The following RBM44 variants were observed in gnomAD, a reference collection of about 807,000 sequenced individuals.
RBM44 encodes the protein RNA-binding protein 44.
Under a neutral mutation model 105.1 loss-of-function variants are expected in RBM44, and 66 were observed. The observed-to-expected ratio is 0.63, with a 90% CI of 0.52 to 0.77. RBM44 has a LOEUF of 0.77. Ranked by LOEUF, RBM44 falls within the 30% of genes least tolerant of loss-of-function variation. The pLI is 0.00. For missense variants in RBM44, 1,122 were observed against 1,207.8 expected, an observed-to-expected ratio of 0.93 and a Z score of 1.05; for synonymous variants, 365 against 417.6, an observed-to-expected ratio of 0.87 and a Z score of 1.54.
rs367753866 is a variant in RBM44, at chr2:237,818,098, T to C, written c.1179T>C (p.Cys393=). Residue 393 remains cysteine (C), a synonymous_variant, in exon 3 of 16, where the codon TGT becomes TGC. Transcript: ENST00000316997. This position sits in a 1 kb window ranked among gnomAD's most constrained non-coding sequence, Gnocchi z 4.6. ...SVFDDSIISA[C]GYYESLQNTA... ...TTGATGATTCGATAATTTCTGCCTG[T>C]GGATATTATGAAAGCCTACAAAACA... The C allele has an allele frequency of 4.7e-5, 76 of 1,612,760 alleles. No individual in the cohort carries two copies. In the African/African-American group the frequency reaches 9.5e-4, roughly 20 times the overall value.
At chr2:237,837,502 G>A (rs1474242535) in intron 15 of RBM44, among the ~76,000 whole-genome samples, 1 of 152,104 alleles carries the variant, frequency 6.6e-6, no homozygotes, top group Admixed American at 6.5e-5. Context: ...TGACTTTAAG[G>A]GGTTCAAGAC....
At chr2:237,799,225 C>T (rs2061519574) in intron 1 of RBM44, 1 of 152,290 alleles carries the variant, frequency 6.6e-6, no homozygotes, top group Non-Finnish European at 1.5e-5. Context: ...GATGGAGCCT[C>T]TGCTGCGGGG....
Position 237,818,565 on chromosome 2 carries a change from G to A in RBM44, c.1646G>A (p.Ser549Asn). ...TCAGGAAAATCTCTCTCCGTTGACA[G>A]TTTAAAACCTAATGGAAATTTTCTA... is the stretch of plus-strand genomic sequence containing the variant. The part of the protein sequence containing the change: ...KGSGKSLSVD[S>N]LKPNGNFLNK... The change falls in exon 3 of 16, where the codon AGT becomes AAT. Residue 549 changes from serine to asparagine, a missense_variant. Coordinates refer to ENST00000316997, the MANE Select transcript of RBM44 (RefSeq NM_001080504.3). This position sits in a 1 kb window ranked among gnomAD's most constrained non-coding sequence, Gnocchi z 4.6. 1 of 1,558,420 alleles carries A rather than the reference G, an allele frequency of 6.4e-7. No homozygotes were observed. The highest frequency in any genetic ancestry group is 8.6e-7 in the Non-Finnish European group (1 of 1,157,566).
At chr2:237,806,646 A>C (rs141470255) in intron 1 of RBM44, among the ~76,000 whole-genome samples, 15 of 152,312 alleles carry the variant, frequency 9.8e-5, no homozygotes, top group African/African-American at 1.7e-4. Context: ...CTAAGGCGTT[A>C]GAAATTGCAG....
At chr2:237,831,801 A>G (rs940213040) in intron 13 of RBM44, among the ~76,000 whole-genome samples, 1 of 151,922 alleles carries the variant, frequency 6.6e-6, no homozygotes, top group Non-Finnish European at 1.5e-5. Flanking sequence ...CTTTCTTGAA[A>G]CTTTTCCTTT....
In RBM44 at chr2:237,798,807, G is replaced by C. The variant is rs1390186428; in HGVS notation, c.-73G>C. ...ACTGACTCGGAGGCGGCTGCGGAGA[G>C]CGGGGCGCTGGCCCGTGGAGGCGGC... is the stretch of plus-strand genomic sequence containing the variant. On this transcript the variant is annotated 5_prime_UTR_variant, in exon 1 of 16. Coordinates refer to ENST00000316997, the MANE Select transcript of RBM44 (RefSeq NM_001080504.3). The surrounding 1 kb of genome is among the most constrained non-coding windows in gnomAD (Gnocchi z 4.3). 1 of 152,664 alleles carries C rather than the reference G, an allele frequency of 6.6e-6. No homozygotes were observed. The highest frequency in any genetic ancestry group is 1.5e-5 in the Non-Finnish European group (1 of 68,286). 9.5% of individuals were successfully genotyped at this position (152,664 alleles called of 1,614,324 possible). A position where few individuals can be genotyped will look rare whatever the true frequency, so the allele number is the denominator to read the frequency against.
chr2:237,833,987 G>T lies in RBM44; in HGVS notation c.2887-10G>T. Reference sequence around the variant, plus strand: ...CTGATTTTAAGAAAACTTTTTAAATGCTTATTTAGGGTGTCAAGAAGAATT... The same window carrying T: ...CTGATTTTAAGAAAACTTTTTAAATTCTTATTTAGGGTGTCAAGAAGAATT... On this transcript the variant is annotated splice_polypyrimidine_tract_variant and intron_variant, in intron 13 of 15. Coordinates refer to ENST00000316997, the MANE Select transcript of RBM44 (RefSeq NM_001080504.3). 1.4e-6 allele frequency: 2 copies of T among 1,481,436 alleles called. No individual in the cohort carries two copies. The highest frequency in any genetic ancestry group is 1.8e-6 in the Non-Finnish European group (2 of 1,107,764). The allele number at this position is 1,481,436 out of a possible 1,614,324, so 91.8% of individuals were successfully genotyped here.
In RBM44 at chr2:237,841,185, G is replaced by A. The variant is rs2062008369; in HGVS notation, c.*23-654G>A. ...AAATCAACCTAAATGCCCATCCGTGGTAGACTGGATAAAGATAAGTGTATA... is the reference window on the plus strand; with the variant it reads ...AAATCAACCTAAATGCCCATCCGTGATAGACTGGATAAAGATAAGTGTATA... On this transcript the variant is annotated intron_variant, in intron 15 of 15. Transcript: ENST00000316997. The surrounding 1 kb of genome is among the most constrained non-coding windows in gnomAD (Gnocchi z 4.5). Among the ~76,000 whole-genome samples the A allele has an allele frequency of 1.3e-5, 2 of 152,128 alleles. No homozygotes were observed. The highest frequency in any genetic ancestry group is 4.8e-5 in the African/African-American group (2 of 41,402).
Position 237,816,980 on chromosome 2 carries a change from T to C in RBM44, c.74-13T>C, listed in dbSNP as rs199710730. 1 of 1,425,632 alleles carries C rather than the reference T, an allele frequency of 7.0e-7. No individual in the cohort carries two copies. Among genetic ancestry groups the C allele is most frequent in the Non-Finnish European group, 9.4e-7 (1 of 1,061,770 alleles). 88.3% of individuals were successfully genotyped at this position (1,425,632 alleles called of 1,614,324 possible). ...AATGTTGCTGTTAATGTTTTTATCC[T>C]TTTTTTAATCAGATAAACCTTCAAA... is the stretch of plus-strand genomic sequence containing the variant. On this transcript the variant is annotated splice_polypyrimidine_tract_variant and intron_variant, in intron 2 of 15. Coordinates refer to ENST00000316997, the MANE Select transcript of RBM44 (RefSeq NM_001080504.3).
intron 9 of RBM44, 42 bp downstream of exon 9, chr2:237,823,596 CA>C (rs1420004697): frequency 5.6e-6 from 5 of 891,762 alleles, no homozygotes; most frequent in Non-Finnish European, 8.9e-6. Context: ...TGCTGGAAAA[CA>C]AAATAAGGTT....
chr2:237,828,371 ATT>A lies in RBM44; in HGVS notation c.2601-845_2601-844del, dbSNP rs1377294815. On this transcript the variant is annotated intron_variant, in intron 12 of 15. Transcript: ENST00000316997. ...ATTGTAAGATAATTGTTCAGCTGTAATTATTTAACCTGTTGATATGATGTTAA... is the reference window on the plus strand; with the variant it reads ...ATTGTAAGATAATTGTTCAGCTGTAAATTTAACCTGTTGATATGATGTTAA... Among the ~76,000 whole-genome samples, 9 of 152,264 alleles carry A rather than the reference ATT, an allele frequency of 5.9e-5. No individual in the cohort carries two copies. The East Asian group carries it at 1.7e-3, about 29-fold the overall frequency.
chr2:237,835,762 C>A (rs2061952578), intron 15 of RBM44, among the ~76,000 whole-genome samples: 1 of 120,288 alleles, frequency 8.3e-6, no homozygotes, highest in African/African-American at 2.9e-5. Context: ...AAGAAATAAG[C>A]CATCTTTTTT....
intron 13 of RBM44, among the ~76,000 whole-genome samples, chr2:237,831,868 A>G (rs2061906760): frequency 6.6e-6 from 1 of 152,134 alleles, no homozygotes; most frequent in African/African-American, 2.4e-5. Context: ...GCCTCGATCT[A>G]CAGCAGGAAG....
In RBM44 at chr2:237,821,843, A is replaced by C. The variant is rs368164008; in HGVS notation, c.2205+16A>C. The C allele has an allele frequency of 6.5e-7, 1 of 1,531,374 alleles. No homozygotes were observed. Among genetic ancestry groups the C allele is most frequent in the African/African-American group, 1.4e-5 (1 of 73,214 alleles). The allele number at this position is 1,531,374 out of a possible 1,614,324, so 94.9% of individuals were successfully genotyped here. ...ACTCTCTCAAGTAAGGGTCCTTGAA[A>C]GTTCATCAATGCAAATCTTTAAGTG... On this transcript the variant is annotated intron_variant, in intron 8 of 15. Transcript: ENST00000316997.
intron 13 of RBM44, 76 bp downstream of exon 13, chr2:237,829,578 C>T: frequency 8.0e-6 from 10 of 1,254,404 alleles, no homozygotes. Context: ...GAATAAATAA[C>T]TTCAATATGC....
rs751023050 is a variant in RBM44 at position 237,803,438 on chromosome 2, C to A, written c.-19+4577C>A. On this transcript the variant is annotated intron_variant, in intron 1 of 15. Coordinates refer to ENST00000316997, the MANE Select transcript of RBM44 (RefSeq NM_001080504.3). This position sits in a 1 kb window ranked among gnomAD's most constrained non-coding sequence, Gnocchi z 4.2. Reference sequence around the variant, plus strand: ...CGTGGTTGTTTAAATTTGCATTTCCCTGATGACTAATGATGTTGAGCATGT... The same window carrying A: ...CGTGGTTGTTTAAATTTGCATTTCCATGATGACTAATGATGTTGAGCATGT... Among the ~76,000 whole-genome samples the A allele has an allele frequency of 1.3e-5, 2 of 152,106 alleles. No individual in the cohort carries two copies. Among genetic ancestry groups the A allele is most frequent in the Non-Finnish European group, 2.9e-5 (2 of 68,026 alleles).
chr2:237,829,751 C>T (rs184417111), intron 13 of RBM44, among the ~76,000 whole-genome samples: 16 of 152,252 alleles, frequency 1.1e-4, no homozygotes, highest in Admixed American at 3.9e-4. Flanking sequence ...GCCAGTCTTT[C>T]GCCGTCTTTT....
At chr2:237,811,562 G>A (rs2061658430) in intron 1 of RBM44, among the ~76,000 whole-genome samples, 1 of 151,950 alleles carries the variant, frequency 6.6e-6, no homozygotes, top group South Asian at 2.1e-4. Context: ...GAGCCACCGT[G>A]CCCAGCTACC....
intron 15 of RBM44, among the ~76,000 whole-genome samples, chr2:237,839,347 C>A (rs536583202): frequency 4.6e-5 from 7 of 152,154 alleles, no homozygotes; most frequent in Non-Finnish European, 1.0e-4. Context: ...GATCTCAGCT[C>A]ACTGCAACCT....
Sources: allele counts gnomAD v4.1 joint callset (sites outside exome capture counted in the v4.1 genomes callset), GRCh38; gene constraint gnomAD v4.1.1; non-coding constraint Gnocchi (gnomAD v3.1); transcripts MANE v1.5; gene names NCBI Gene and HGNC (gene_info 2026-07-23, HGNC 2026-07-21).